The following ABCC11 variants were observed in gnomAD, a reference collection of about 807,000 sequenced individuals.
The protein encoded by ABCC11 is ATP binding cassette subfamily C member 11.
ABCC11 carries 135 observed loss-of-function variants against 149.3 expected under a neutral mutation model. The ratio of observed to expected loss-of-function variants is 0.90; its 90% CI spans 0.79 to 1.04. The LOEUF (loss-of-function observed/expected upper bound fraction) is 1.04, where lower values mean the gene tolerates loss of function less well. ABCC11 is among the 50% of genes least tolerant of loss of function. The probability of loss-of-function intolerance (pLI) is 0.00; values close to 1 mark genes in which losing one functional copy is unlikely to be tolerated. For synonymous variants in ABCC11, 665 were observed against 671.4 expected (o/e 0.99, Z 0.15); for missense variants, 1,680 against 1,722.1 (o/e 0.98, Z 0.43).
chr16:48,236,425 A>T (rs1970691350), intron 1 of ABCC11, among the ~76,000 whole-genome samples: 1 of 151,684 alleles, frequency 6.6e-6, no homozygotes, highest in Non-Finnish European at 1.5e-5. Flanking sequence ...TACTTCCTTT[A>T]CTCATCACAT....
intron 4 of ABCC11, among the ~76,000 whole-genome samples, chr16:48,225,910 T>C (rs952910143): frequency 8.5e-5 from 13 of 152,198 alleles, no homozygotes; most frequent in Non-Finnish European, 1.6e-4. Flanking sequence ...AAAGTGTTTG[T>C]GGACAGACAT....
chr16:48,227,284 G>A (rs962789971), intron 4 of ABCC11, among the ~76,000 whole-genome samples: 1 of 152,034 alleles, frequency 6.6e-6, no homozygotes, highest in African/African-American at 2.4e-5. Flanking sequence ...GACCAGCCTG[G>A]CCAACATAGT....
chr16:48,184,123 T>G (rs1966611481), intron 23 of ABCC11, among the ~76,000 whole-genome samples: 2 of 152,332 alleles, frequency 1.3e-5, no homozygotes, highest in South Asian at 4.1e-4. Flanking sequence ...GGACAACTCC[T>G]TCCCTTGTCT....
intron 6 of ABCC11, among the ~76,000 whole-genome samples, chr16:48,218,268 C>A (rs1969486010): frequency 6.6e-6 from 1 of 152,152 alleles, no homozygotes; most frequent in Non-Finnish European, 1.5e-5. Context: ...TGCACTCCAG[C>A]CTGGGTGATA....
intron 6 of ABCC11, 119 bp from the exon 7 acceptor site, chr16:48,216,406 T>C (rs1969348682): frequency 1.0e-6 from 1 of 957,018 alleles, no homozygotes; most frequent in Non-Finnish European, 1.5e-6. Context: ...GGTGGAAGAG[T>C]AGAGACAGAC....
chr16:48,211,185 C>T lies in ABCC11; in HGVS notation c.1371G>A (p.Gln457=), dbSNP rs147615978. Residue 457 remains glutamine (Q), a synonymous_variant, in exon 11 of 30, where the codon CAG becomes CAA. Transcript: ENST00000356608. Reference sequence around the variant, plus strand: ...TCTGGACATAGAAAACAGGGCTCTCCTGGAGGAAAAACTTCTGTAAAGACA... The same window carrying T: ...TCTGGACATAGAAAACAGGGCTCTCTTGGAGGAAAAACTTCTGTAAAGACA... The part of the protein sequence containing the change: ...AVMRFKKFFL[Q]ESPVFYVQTL... The T allele has an allele frequency of 1.1e-3, 1,759 of 1,613,948 alleles. 2 individuals are homozygous for T. Among genetic ancestry groups the T allele is most frequent in the Non-Finnish European group, 1.4e-3 (1,595 of 1,179,954 alleles).
chr16:48,178,756 A>G (rs1377610519), intron 23 of ABCC11, 70 bp from the exon 24 acceptor site: 6 of 1,327,542 alleles, frequency 4.5e-6, no homozygotes, highest in Non-Finnish European at 6.5e-6. Flanking sequence ...AACGCTCCTG[A>G]TAACCACTGA....
chr16:48,178,279 G>A (rs1966211585), intron 24 of ABCC11, among the ~76,000 whole-genome samples: 1 of 152,110 alleles, frequency 6.6e-6, no homozygotes, highest in Non-Finnish European at 1.5e-5. Flanking sequence ...TGACATAAAT[G>A]GAAGCAATAA....
chr16:48,200,219 G>A lies in ABCC11; in HGVS notation c.2082+57C>T, dbSNP rs1967826724. On this transcript the variant is annotated intron_variant, in intron 15 of 29. Coordinates refer to ENST00000356608, the MANE Select transcript of ABCC11 (RefSeq NM_001370497.1). Reference sequence around the variant, plus strand: ...TTGAATCACACTCTGAAATGGCAAAGGCTTGAGGATCTACGTTATCCGTCA... The same window carrying A: ...TTGAATCACACTCTGAAATGGCAAAAGCTTGAGGATCTACGTTATCCGTCA... 20 of 1,547,832 alleles carry A rather than the reference G, an allele frequency of 1.3e-5. No individual in the cohort carries two copies. The South Asian group carries it at 2.2e-4, about 17-fold the overall frequency.
chr16:48,165,325 A>C (rs940659324), downstream of ABCC11, among the ~76,000 whole-genome samples: 12 of 152,148 alleles, frequency 7.9e-5, no homozygotes, highest in Non-Finnish European at 5.9e-5. Flanking sequence ...TTTTTTAAGA[A>C]AGATAAACCC....
intron 18 of ABCC11, among the ~76,000 whole-genome samples, chr16:48,194,253 C>A (rs987471554): frequency 2.6e-5 from 4 of 152,178 alleles, no homozygotes; most frequent in African/African-American, 9.7e-5. Flanking sequence ...ATAGTGATAA[C>A]CTTACCAGCT....
intron 2 of ABCC11, 82 bp from the exon 3 acceptor site, chr16:48,230,655 G>C: frequency 7.3e-7 from 1 of 1,369,452 alleles, no homozygotes; most frequent in Non-Finnish European, 9.6e-7. Context: ...GCTGCCCATG[G>C]AGAAATGGAT....
At chr16:48,196,142 C>T in intron 18 of ABCC11, 90 bp downstream of exon 18, 6 of 1,363,754 alleles carry the variant, frequency 4.4e-6, no homozygotes, top group Non-Finnish European at 6.2e-6. Flanking sequence ...GACCTCTCTA[C>T]TTCACATGAC....
intron 22 of ABCC11, among the ~76,000 whole-genome samples, 166 bp downstream of exon 22, chr16:48,186,787 G>A (rs577537950): frequency 9.9e-5 from 15 of 152,096 alleles, no homozygotes; most frequent in Non-Finnish European, 1.8e-4. Context: ...TCTTATAAAT[G>A]AAAGAATGGT....
intron 1 of ABCC11, among the ~76,000 whole-genome samples, chr16:48,239,561 C>CAAAAA: frequency 2.1e-5 from 1 of 47,190 alleles, no homozygotes; most frequent in Non-Finnish European, 4.6e-5. Context: ...GACTGTGTCA[C>CAAAAA]AAAAAAAAAA....
In ABCC11 at chr16:48,208,423, A is replaced by G. The variant is rs753076663; in HGVS notation, c.1680+2T>C. The G allele has an allele frequency of 6.2e-7, 1 of 1,614,016 alleles. No individual in the cohort carries two copies. Among genetic ancestry groups the G allele is most frequent in the East Asian group, 2.2e-5 (1 of 44,856 alleles). The stretch of plus-strand genomic sequence containing the variant: ...GCAAGCATGTGGCCACAGATCACTT[A>G]CCTCCTCCAGGATGGCTGACAACAG... On this transcript the variant is annotated splice_donor_variant, in intron 12 of 29. Transcript: ENST00000356608. LOFTEE classifies it high-confidence loss of function.
intron 13 of ABCC11, 126 bp from the exon 14 acceptor site, chr16:48,203,426 A>G (rs1968172275): frequency 2.6e-6 from 2 of 755,576 alleles, no homozygotes; most frequent in South Asian, 3.9e-5. Context: ...GTTTAATGGT[A>G]TAACACTGAA....
At chr16:48,216,540 G>A (rs1004786966) in intron 6 of ABCC11, among the ~76,000 whole-genome samples, 1 of 152,152 alleles carries the variant, frequency 6.6e-6, no homozygotes, top group Admixed American at 6.5e-5. Flanking sequence ...TATGGGTTTT[G>A]TGAGATTTCA....
In ABCC11 at chr16:48,187,072, G is replaced by A. The variant is rs764204266; in HGVS notation, c.2952C>T (p.Ile984=). 28 of 1,614,034 alleles carry A rather than the reference G, an allele frequency of 1.7e-5. No individual in the cohort carries two copies. Among genetic ancestry groups the A allele is most frequent in the South Asian group, 5.5e-5 (5 of 91,086 alleles). ...AGTTCTCCAGTCTCTTGAACACACC[G>A]ATGGCCTTCTTGAACATCCTGCATG... ...FIYYMMFKKA[I]GVFKRLENYS... The change falls in exon 22 of 30, where the codon ATC becomes ATT. Residue 984 remains isoleucine, a synonymous_variant. Transcript: ENST00000356608.
Sources: gnomAD v4.1 joint callset for allele counts (sites outside exome capture counted in the v4.1 genomes callset) on GRCh38, gnomAD v4.1.1 for gene constraint, MANE v1.5 for transcripts, NCBI Gene and HGNC (gene_info 2026-07-23, HGNC 2026-07-21) for gene names.